The following PTPRD variants were observed in gnomAD, a reference collection of about 807,000 sequenced individuals.
PTPRD encodes the protein protein tyrosine phosphatase receptor type D.
In PTPRD, 34 loss-of-function variants were observed where a neutral mutation model predicts 214.5. That is an observed-to-expected ratio of 0.16 (90% CI 0.12 to 0.21). PTPRD has a LOEUF of 0.21. Ranked by LOEUF, PTPRD falls within the 10% of genes least tolerant of loss-of-function variation. PTPRD has a pLI of 1.00. For synonymous variants in PTPRD, 1,128 were observed against 845.7 expected (o/e 1.33, Z -5.79); for missense variants, 2,545 against 2,398.7 (o/e 1.06, Z -1.27).
chr9:10,089,033 A>T (rs1390991708), intron 3 of PTPRD, among the ~76,000 whole-genome samples: 1 of 151,292 alleles, frequency 6.6e-6, no homozygotes, highest in Non-Finnish European at 1.5e-5. Context: ...CAGAGACAAG[A>T]CCCCATCTCT....
chr9:9,896,236 T>C (rs919417356), intron 5 of PTPRD, among the ~76,000 whole-genome samples: 3 of 152,056 alleles, frequency 2.0e-5, no homozygotes, highest in Non-Finnish European at 2.9e-5. Context: ...TTCCATGATA[T>C]CAGGGTCTCT....
In PTPRD at chr9:10,580,575, T is replaced by C. The variant is rs146789345; in HGVS notation, c.-600+31823A>G. Among the ~76,000 whole-genome samples the C allele has an allele frequency of 8.2e-3, 1,252 of 152,278 alleles. 10 individuals are homozygous for C. The highest frequency in any genetic ancestry group is 0.017 in the Middle Eastern group (5 of 290). Reference sequence around the variant, plus strand: ...GATATGGGATTGAGTAGAAATGCTGTCTGGAATTTGGCAGTCTAGGTGAAA... The same window carrying C: ...GATATGGGATTGAGTAGAAATGCTGCCTGGAATTTGGCAGTCTAGGTGAAA... On this transcript the variant is annotated intron_variant, in intron 2 of 45. Transcript: ENST00000381196.
intron 3 of PTPRD, among the ~76,000 whole-genome samples, chr9:10,308,014 T>C (rs905246047): frequency 2.0e-5 from 3 of 152,138 alleles, no homozygotes; most frequent in African/African-American, 4.8e-5. Context: ...ATTCAACAGG[T>C]TGTCTCTTCA....
intron 8 of PTPRD, among the ~76,000 whole-genome samples, chr9:9,569,313 C>A (rs538773328): frequency 6.6e-6 from 1 of 151,556 alleles, no homozygotes; most frequent in East Asian, 1.9e-4. Flanking sequence ...AAGAACTGAG[C>A]CACAAAGTAA....
Position 8,381,808 on chromosome 9 carries a change from T to C in PTPRD, c.4387-5082A>G, listed in dbSNP as rs186770200. On this transcript the variant is annotated intron_variant, in intron 37 of 45. Coordinates refer to ENST00000381196, the MANE Select transcript of PTPRD (RefSeq NM_002839.4). ...TTGATGTGTCTGCCAGAAGTTGACA[T>C]AGGGAGCTGCCGTAAACTTTTCCAA... 1.8e-3 allele frequency among the ~76,000 whole-genome samples: 277 copies of C among 152,332 alleles called. 2 individuals carry two copies. The highest frequency in any genetic ancestry group is 3.0e-3 in the Non-Finnish European group (204 of 68,030).
At chr9:10,378,497 T>C (rs2097768778) in intron 2 of PTPRD, among the ~76,000 whole-genome samples, 1 of 152,104 alleles carries the variant, frequency 6.6e-6, no homozygotes, top group South Asian at 2.1e-4. Flanking sequence ...GGGTGAGAGA[T>C]AGTAGACCCC....
intron 36 of PTPRD, among the ~76,000 whole-genome samples, chr9:8,389,904 T>A (rs942437278): frequency 6.6e-6 from 1 of 152,200 alleles, no homozygotes; most frequent in Non-Finnish European, 1.5e-5. Context: ...ACAACAACTC[T>A]GCAGTAAGTC....
At chr9:9,539,048 A>C (rs1179402553) in intron 8 of PTPRD, among the ~76,000 whole-genome samples, 2 of 151,884 alleles carry the variant, frequency 1.3e-5, no homozygotes, top group Non-Finnish European at 2.9e-5. Context: ...AAAAATTAAA[A>C]AAGAGAGTTC....
chr9:10,073,020 A>G (rs751724686), intron 3 of PTPRD, among the ~76,000 whole-genome samples: 1 of 152,136 alleles, frequency 6.6e-6, no homozygotes, highest in Non-Finnish European at 1.5e-5. Flanking sequence ...ATTAAGCCAT[A>G]CAAAATATCG....
intron 11 of PTPRD, among the ~76,000 whole-genome samples, chr9:8,761,907 C>T (rs963945534): frequency 1.3e-5 from 2 of 152,146 alleles, no homozygotes; most frequent in Non-Finnish European, 1.5e-5. Flanking sequence ...TTATCCCTAG[C>T]TTCTCTGGTG....
intron 2 of PTPRD, among the ~76,000 whole-genome samples, chr9:10,455,644 A>T (rs1462892650): frequency 6.6e-6 from 1 of 151,634 alleles, no homozygotes; most frequent in Non-Finnish European, 1.5e-5. Context: ...TCACCATATA[A>T]TTTGGATAGA....
chr9:10,034,407 C>CT (rs56827836), intron 3 of PTPRD, among the ~76,000 whole-genome samples: 29,940 of 88,084 alleles, frequency 0.34, 4,575 homozygotes, highest in Middle Eastern at 0.4. Flanking sequence ...CCTGGCTCTA[C>CT]TTTTTTTTTT....
chr9:9,597,327 C>T (rs780596951), intron 7 of PTPRD, among the ~76,000 whole-genome samples: 2 of 151,830 alleles, frequency 1.3e-5, no homozygotes, highest in Admixed American at 6.6e-5. Context: ...GATGTTGGCA[C>T]AAAATTACAC....
chr9:9,323,239 AT>A (rs1967552243), intron 9 of PTPRD, among the ~76,000 whole-genome samples: 1 of 152,092 alleles, frequency 6.6e-6, no homozygotes, highest in Non-Finnish European at 1.5e-5. Flanking sequence ...CATTGGTTTT[AT>A]TTTAAAAAAG....
At chr9:9,089,501 G>A (rs1222989128) in intron 10 of PTPRD, among the ~76,000 whole-genome samples, 1 of 152,140 alleles carries the variant, frequency 6.6e-6, no homozygotes, top group African/African-American at 2.4e-5. Context: ...TCATGAGTTA[G>A]AATAAATGCT....
In PTPRD at chr9:10,578,760, G is replaced by A. The variant is rs182453119; in HGVS notation, c.-600+33638C>T. Among the ~76,000 whole-genome samples the A allele has an allele frequency of 3.4e-4, 51 of 152,162 alleles. 1 individual carries two copies. The highest frequency in any genetic ancestry group is 9.6e-4 in the African/African-American group (40 of 41,530). ...TTCAACTTTTATTTTAGATTTGGGG[G>A]TACATGTGCAGATTTGTTACATGGG... On this transcript the variant is annotated intron_variant, in intron 2 of 45. Transcript: ENST00000381196.
At chr9:10,449,298 C>T (rs552909164) in intron 2 of PTPRD, among the ~76,000 whole-genome samples, 22 of 152,026 alleles carry the variant, frequency 1.4e-4, no homozygotes, top group Admixed American at 2.6e-4. Flanking sequence ...ACCTGGGCCT[C>T]CCGAGGCGCC....
chr9:8,392,014 C>T (rs2089753259), intron 36 of PTPRD, among the ~76,000 whole-genome samples: 1 of 151,976 alleles, frequency 6.6e-6, no homozygotes, highest in African/African-American at 2.4e-5. Context: ...ATTGCACTTC[C>T]CAGGATAAGA....
intron 9 of PTPRD, among the ~76,000 whole-genome samples, chr9:9,376,069 G>GCTCAAGGAATAC (rs138994169): frequency 6.6e-6 from 1 of 151,738 alleles, no homozygotes; most frequent in Non-Finnish European, 1.5e-5. Context: ...ATGAGAACTT[G>GCTCAAGGAATAC]CTCATCATTA....
Sources: allele counts gnomAD v4.1 joint callset (sites outside exome capture counted in the v4.1 genomes callset), GRCh38; gene constraint gnomAD v4.1.1; transcripts MANE v1.5; gene names NCBI Gene and HGNC (gene_info 2026-07-23, HGNC 2026-07-21).